The following ZC3H7B variants were observed in gnomAD, a reference collection of about 807,000 sequenced individuals.
The protein encoded by ZC3H7B is zinc finger CCCH domain-containing protein 7B.
ZC3H7B carries 35 observed loss-of-function variants against 116.0 expected under a neutral mutation model. That is an observed-to-expected ratio of 0.30 (90% CI 0.23 to 0.40). ZC3H7B has a LOEUF of 0.40. Ranked by LOEUF, ZC3H7B falls within the 10% of genes least tolerant of loss-of-function variation. ZC3H7B has a pLI of 1.00. For synonymous variants in ZC3H7B, 502 were observed against 545.6 expected, an observed-to-expected ratio of 0.92 and a Z score of 1.11; for missense variants, 1,011 against 1,321.5, an observed-to-expected ratio of 0.77 and a Z score of 3.64.
At chr22:41,321,984 C>T (rs989408710) in intron 2 of ZC3H7B, among the ~76,000 whole-genome samples, 7 of 148,476 alleles carry the variant, frequency 4.7e-5, no homozygotes, top group East Asian at 2.0e-4. Flanking sequence ...GGACTACAGG[C>T]GCCCGCCACT....
Position 41,302,593 on chromosome 22 carries a change from C to A in ZC3H7B, c.-7+821C>A, listed in dbSNP as rs552781658. On this transcript the variant is annotated intron_variant, in intron 1 of 22. Transcript: ENST00000352645. The surrounding 1 kb of genome is among the most constrained non-coding windows in gnomAD (Gnocchi z 5.7). Reference sequence around the variant, plus strand: ...CGGCCTCATACCCCCATCCTGCCCGCTGCGAACCTCAGGGCCCCCCTCCGG... The same window carrying A: ...CGGCCTCATACCCCCATCCTGCCCGATGCGAACCTCAGGGCCCCCCTCCGG... Among the ~76,000 whole-genome samples, 1 of 152,182 alleles carries A rather than the reference C, an allele frequency of 6.6e-6. No individual in the cohort carries two copies. The highest frequency in any genetic ancestry group is 2.4e-5 in the African/African-American group (1 of 41,558).
chr22:41,352,242 G>T (rs1601795939), intron 17 of ZC3H7B, among the ~76,000 whole-genome samples: 1 of 152,344 alleles, frequency 6.6e-6, no homozygotes, highest in East Asian at 1.9e-4. Context: ...CTCTGGGCTC[G>T]TGTGAGTTTC....
At chr22:41,330,244 T>C in intron 6 of ZC3H7B, 141 bp downstream of exon 6, 1 of 808,246 alleles carries the variant, frequency 1.2e-6, no homozygotes, top group Non-Finnish European at 1.9e-6. Context: ...TGATCTTCCT[T>C]GTCTGTTGGC....
intron 4 of ZC3H7B, among the ~76,000 whole-genome samples, chr22:41,326,687 G>T (rs1601775368): frequency 6.6e-6 from 1 of 152,176 alleles, no homozygotes; most frequent in South Asian, 2.1e-4. Context: ...ACTGACTCAG[G>T]TTCATGAGAT....
chr22:41,341,167 T>C (rs2145930297), intron 11 of ZC3H7B, 21 bp downstream of exon 11: 1 of 1,613,702 alleles, frequency 6.2e-7, no homozygotes, highest in Admixed American at 1.7e-5. Flanking sequence ...TGAGTGGGGA[T>C]CCAGGCCTCT....
chr22:41,342,062 CAAAA>C (rs917602066), intron 11 of ZC3H7B, among the ~76,000 whole-genome samples: 9 of 88,040 alleles, frequency 1.0e-4, no homozygotes, highest in African/African-American at 3.4e-4. Context: ...AACTCCATCT[CAAAA>C]AAAAAAAAAA....
At chr22:41,350,930 G>A (rs1388494061) in intron 16 of ZC3H7B, among the ~76,000 whole-genome samples, 1 of 152,234 alleles carries the variant, frequency 6.6e-6, no homozygotes, top group Admixed American at 6.5e-5. Context: ...TTGTGGGAAA[G>A]ACGTGAGAAA....
chr22:41,314,859 C>T (rs2036160882), intron 1 of ZC3H7B, among the ~76,000 whole-genome samples: 1 of 139,542 alleles, frequency 7.2e-6, no homozygotes, highest in Admixed American at 7.1e-5. Flanking sequence ...CTGCCCGCAT[C>T]GGCCTCCCAA....
chr22:41,306,167 T>A (rs954452732), intron 1 of ZC3H7B, among the ~76,000 whole-genome samples: 1 of 152,172 alleles, frequency 6.6e-6, no homozygotes, highest in Non-Finnish European at 1.5e-5. Context: ...ATCCTTTCGA[T>A]TCTCTGGGCC....
chr22:41,330,593 G>A (rs575916954), intron 6 of ZC3H7B, among the ~76,000 whole-genome samples: 1 of 152,248 alleles, frequency 6.6e-6, no homozygotes, highest in South Asian at 2.1e-4. Context: ...TTCCTCATCT[G>A]GACGATGGAG....
chr22:41,330,494 C>G (rs183775126), intron 6 of ZC3H7B, among the ~76,000 whole-genome samples: 1 of 152,174 alleles, frequency 6.6e-6, no homozygotes, highest in Non-Finnish European at 1.5e-5. Context: ...TGGTACCTGC[C>G]GAGGGCCAGG....
rs1257947969 is a variant in ZC3H7B at position 41,360,075 on chromosome 22, CCTT to C, written c.*2650_*2652del. On this transcript the variant is annotated 3_prime_UTR_variant, in exon 23 of 23. Coordinates refer to ENST00000352645, the MANE Select transcript of ZC3H7B (RefSeq NM_017590.6). ...TAGATGTTTTAATAACAATTTTTGT[CCTT>C]CTTAAAATAAAATGAAAGAAACTTG... The C allele has an allele frequency of 6.6e-6, 1 of 152,388 alleles. No homozygotes were observed. Among genetic ancestry groups the C allele is most frequent in the East Asian group, 1.9e-4 (1 of 5,200 alleles). The allele number at this position is 152,388 out of a possible 1,614,324, so 9.4% of individuals were successfully genotyped here.
Position 41,340,071 on chromosome 22 carries a change from C to A in ZC3H7B, c.1072C>A (p.Arg358=), listed in dbSNP as rs570655747. 15 of 1,611,872 alleles carry A rather than the reference C, an allele frequency of 9.3e-6. No individual in the cohort carries two copies. The highest frequency in any genetic ancestry group is 1.3e-5 in the Non-Finnish European group (15 of 1,179,914). ...GGACCTGCTGCCGTACTCGGAGACC[C>A]GGCTGGATGCACTCGACAGCTTTGG... ...PLDLLPYSET[R]LDALDSFGST... is the part of the protein sequence containing the mutation. The change falls in exon 10 of 23, where the codon CGG becomes AGG. Residue 358 remains arginine (R), a synonymous_variant. Coordinates refer to ENST00000352645, the MANE Select transcript of ZC3H7B (RefSeq NM_017590.6).
At chr22:41,320,822 A>G in intron 2 of ZC3H7B, 109 bp downstream of exon 2, 1 of 1,498,204 alleles carries the variant, frequency 6.7e-7, no homozygotes, top group South Asian at 1.1e-5. Flanking sequence ...CTTTGCTGCC[A>G]AGGCTCCTGT....
chr22:41,355,748 G>C lies in ZC3H7B; in HGVS notation c.2169-9G>C. ...CCTGACCTCTCCCCAACCCTGCTCT[G>C]TCCTGCAGCTGGACCAAGGAGCGGC... On this transcript the variant is annotated splice_polypyrimidine_tract_variant and intron_variant, in intron 18 of 22. Transcript: ENST00000352645. 4 of 1,613,964 alleles carry C rather than the reference G, an allele frequency of 2.5e-6. No individual in the cohort carries two copies. The highest frequency in any genetic ancestry group is 2.5e-6 in the Non-Finnish European group (3 of 1,179,996).
intron 1 of ZC3H7B, among the ~76,000 whole-genome samples, chr22:41,318,489 A>T (rs2036211767): frequency 7.2e-6 from 1 of 139,596 alleles, no homozygotes; most frequent in African/African-American, 2.7e-5. Flanking sequence ...AGATTGTGCC[A>T]CTGCACTCCA....
intron 12 of ZC3H7B, 58 bp downstream of exon 12, chr22:41,342,686 C>T (rs2036537564): frequency 1.4e-6 from 2 of 1,465,770 alleles, no homozygotes; most frequent in Admixed American, 1.9e-5. Flanking sequence ...ATCTCAGGAA[C>T]ATGGGATCCC....
chr22:41,357,054 AGCTGG>A lies in ZC3H7B; in HGVS notation c.2682-121_2682-117del. 1 of 1,484,290 alleles carries A rather than the reference AGCTGG, an allele frequency of 6.7e-7. No homozygotes were observed. The highest frequency in any genetic ancestry group is 2.4e-5 in the East Asian group (1 of 42,136). The allele number at this position is 1,484,290 out of a possible 1,614,324, so 91.9% of individuals were successfully genotyped here. ...GGTCAGGACACCCAGGTTTTCCCTG[AGCTGG>A]GACCCAGCTGCCCAGGGAGAGGCTT... On this transcript the variant is annotated intron_variant, in intron 22 of 22. Transcript: ENST00000352645. This position sits in a 1 kb window ranked among gnomAD's most constrained non-coding sequence, Gnocchi z 5.4.
intron 4 of ZC3H7B, 48 bp downstream of exon 4, chr22:41,325,966 C>A: frequency 6.4e-7 from 1 of 1,555,922 alleles, no homozygotes; most frequent in Non-Finnish European, 8.7e-7. Context: ...CCCTGATCCC[C>A]TGGATGCCCA....
Sources: allele counts gnomAD v4.1 joint callset (sites outside exome capture counted in the v4.1 genomes callset), GRCh38; gene constraint gnomAD v4.1.1; non-coding constraint Gnocchi (gnomAD v3.1); transcripts MANE v1.5; gene names NCBI Gene and HGNC (gene_info 2026-07-23, HGNC 2026-07-21).